Variants in NYAP2 observed in about 807,000 individuals in gnomAD.
The protein encoded by NYAP2 is neuronal tyrosine-phosphorylated phosphoinositide-3-kinase adapter 2.
Under a neutral mutation model 50.4 loss-of-function variants are expected in NYAP2, and 23 were observed. The ratio of observed to expected loss-of-function variants is 0.46; its 90% CI spans 0.33 to 0.65. The LOEUF (loss-of-function observed/expected upper bound fraction) is 0.65. Ranked by LOEUF, NYAP2 falls within the 30% of genes least tolerant of loss-of-function variation. The pLI, the probability that NYAP2 is intolerant of heterozygous loss-of-function variation, is 0.02. For missense variants in NYAP2, 885 were observed against 861.0 expected, an observed-to-expected ratio of 1.03 and a Z score of -0.35; for synonymous variants, 394 against 365.2, an observed-to-expected ratio of 1.08 and a Z score of -0.90.
At chr2:225,587,089 G>T (rs1692401183) in intron 5 of NYAP2, among the ~76,000 whole-genome samples, 1 of 152,118 alleles carries the variant, frequency 6.6e-6, no homozygotes, top group South Asian at 2.1e-4. Flanking sequence ...ACTATCACAA[G>T]AACAGCATGG....
chr2:225,479,457 G>C (rs1295159884), intron 3 of NYAP2, among the ~76,000 whole-genome samples: 1 of 152,170 alleles, frequency 6.6e-6, no homozygotes, highest in Non-Finnish European at 1.5e-5. Context: ...ACCATCCTAA[G>C]TGATCCATTG....
chr2:225,635,345 A>G (rs1469522932), intron 6 of NYAP2, among the ~76,000 whole-genome samples: 2 of 152,226 alleles, frequency 1.3e-5, no homozygotes, highest in African/African-American at 4.8e-5. Context: ...TTGATGAAAT[A>G]ACAAAACACT....
At chr2:225,445,853 A>AT in intron 3 of NYAP2, among the ~76,000 whole-genome samples, 1 of 151,926 alleles carries the variant, frequency 6.6e-6, no homozygotes, top group East Asian at 1.9e-4. Flanking sequence ...AAAAATGATC[A>AT]TTTTCCCTTG....
rs1246833733 is a variant in NYAP2, at chr2:225,420,964, C to T, written c.221+11863C>T. Among the ~76,000 whole-genome samples the T allele has an allele frequency of 2.6e-5, 4 of 152,010 alleles. No individual in the cohort carries two copies. The East Asian group carries it at 7.7e-4, about 29-fold the overall frequency. On this transcript the variant is annotated intron_variant, in intron 3 of 6. Coordinates refer to ENST00000636099, the Ensembl canonical transcript of NYAP2. ...TTGAGACAGAATCTCCCTCTGTTGC[C>T]CAGGCTGGAGTGCAGTGGCACAATC...
exon 7 of NYAP2, chr2:225,652,601 T>C (rs1693754806): frequency 6.6e-6 from 1 of 152,182 alleles, no homozygotes; most frequent in Non-Finnish European, 1.5e-5. Context: ...GTATTATAGG[T>C]GTTAAGTAGG....
chr2:225,475,903 C>A (rs1459596837), intron 3 of NYAP2, among the ~76,000 whole-genome samples: 1 of 152,142 alleles, frequency 6.6e-6, no homozygotes, highest in South Asian at 2.1e-4. Flanking sequence ...TGGAACTCTT[C>A]ATTTTACAAT....
intron 4 of NYAP2, among the ~76,000 whole-genome samples, chr2:225,538,773 TTTTCTTTTCTTTCTTTC>T (rs1478384012): frequency 5.1e-4 from 49 of 95,850 alleles, no homozygotes; most frequent in Non-Finnish European, 4.7e-4. Context: ...TTTTCTTTTC[TTTTCTTTTCTTTCTTTC>T]TTTCTTTCTT....
intron 5 of NYAP2, among the ~76,000 whole-genome samples, chr2:225,619,212 T>C (rs892666348): frequency 1.3e-5 from 2 of 152,240 alleles, no homozygotes; most frequent in Admixed American, 1.3e-4. Context: ...AAATTGGGGT[T>C]CAGGAACCTT....
the NYAP2 span, among the ~76,000 whole-genome samples, chr2:225,680,418 T>C: frequency 2.0e-5 from 3 of 152,174 alleles, no homozygotes; most frequent in African/African-American, 7.2e-5. Context: ...ATGCCAAGTA[T>C]GGCACTGCTC....
chr2:225,654,324 A>G (rs1180083418), downstream of NYAP2, among the ~76,000 whole-genome samples: 2 of 152,208 alleles, frequency 1.3e-5, no homozygotes, highest in Admixed American at 6.5e-5. Flanking sequence ...AAAACCCAGA[A>G]TTCTTAATAG....
At chr2:225,547,163 G>A (rs1442740488) in intron 4 of NYAP2, among the ~76,000 whole-genome samples, 1 of 152,150 alleles carries the variant, frequency 6.6e-6, no homozygotes, top group Admixed American at 6.5e-5. Context: ...AAACCATTAG[G>A]TTTCCTGATT....
chr2:225,508,309 A>T (rs1049005043), intron 3 of NYAP2, among the ~76,000 whole-genome samples: 5 of 152,060 alleles, frequency 3.3e-5, no homozygotes, highest in African/African-American at 1.2e-4. Context: ...TTAGCTTCTA[A>T]CTCCTCAAGC....
intron 5 of NYAP2, among the ~76,000 whole-genome samples, chr2:225,608,589 G>T (rs183674796): frequency 2.0e-5 from 3 of 151,824 alleles, no homozygotes; most frequent in Non-Finnish European, 2.9e-5. Context: ...AACTTATTAC[G>T]GTCCCTGAAC....
At chr2:225,402,764 C>G (rs1252344639) in intron 2 of NYAP2, among the ~76,000 whole-genome samples, 2 of 151,898 alleles carry the variant, frequency 1.3e-5, no homozygotes, top group Non-Finnish European at 2.9e-5. Context: ...TTTGATGACA[C>G]TGAGAATGAG....
chr2:225,675,019 C>T, the NYAP2 span, among the ~76,000 whole-genome samples: 5 of 152,108 alleles, frequency 3.3e-5, no homozygotes, highest in East Asian at 7.7e-4. Context: ...AGTGATTATC[C>T]ATTATTACCT....
At chr2:225,620,479 G>A (rs542958206) in intron 5 of NYAP2, among the ~76,000 whole-genome samples, 11 of 144,140 alleles carry the variant, frequency 7.6e-5, no homozygotes, top group South Asian at 2.2e-4. Flanking sequence ...ACACGCACAC[G>A]CACGCACGCA....
At chr2:225,677,608 T>G in the NYAP2 span, among the ~76,000 whole-genome samples, 1 of 151,772 alleles carries the variant, frequency 6.6e-6, no homozygotes, top group Non-Finnish European at 1.5e-5. Context: ...TGTTGAGGAT[T>G]TTTTTTTATC....
intron 3 of NYAP2, among the ~76,000 whole-genome samples, chr2:225,410,830 G>A (rs1695026625): frequency 6.6e-6 from 1 of 152,046 alleles, no homozygotes; most frequent in African/African-American, 2.4e-5. Flanking sequence ...TAACCTCAGA[G>A]GACTAAAGTC....
intron 5 of NYAP2, among the ~76,000 whole-genome samples, chr2:225,600,671 A>G (rs918913453): frequency 6.6e-6 from 1 of 152,170 alleles, no homozygotes; most frequent in African/African-American, 2.4e-5. Context: ...TTTCACAATC[A>G]TCACCACTCA....
Sources: allele counts gnomAD v4.1 joint callset (sites outside exome capture counted in the v4.1 genomes callset), GRCh38; gene constraint gnomAD v4.1.1; transcripts MANE v1.5; gene names NCBI Gene and HGNC (gene_info 2026-07-23, HGNC 2026-07-21).